WASHC3: variants seen among roughly 807,000 people sequenced by gnomAD.
The protein encoded by WASHC3 is WASH complex subunit 3, also known as WASH complex subunit CCDC53.
Under a neutral mutation model 26.1 loss-of-function variants are expected in WASHC3, and 24 were observed. The observed-to-expected ratio is 0.92, with a 90% confidence interval of 0.66 to 1.29. The LOEUF is 1.29. Ranked by LOEUF, WASHC3 falls within the 50% of genes most tolerant of loss-of-function variation. WASHC3 has a pLI of 0.00. For missense variants in WASHC3, 214 were observed against 229.6 expected, an observed-to-expected ratio of 0.93 and a Z score of 0.44; for synonymous variants, 77 against 75.7, an observed-to-expected ratio of 1.02 and a Z score of -0.09.
chr12:102,040,839 T>C (rs373048955), intron 4 of WASHC3, among the ~76,000 whole-genome samples: 35 of 152,188 alleles, frequency 2.3e-4, no homozygotes, highest in African/African-American at 8.2e-4. Context: ...GGTGAATCTC[T>C]CTCATTATCT....
At chr12:102,050,583 C>T (rs1388513720) in intron 2 of WASHC3, 2 of 454,210 alleles carry the variant, frequency 4.4e-6, no homozygotes, top group South Asian at 1.6e-5. Context: ...GTTGAGGTTG[C>T]CCTGAGCTGT....
intron 6 of WASHC3, among the ~76,000 whole-genome samples, chr12:102,013,525 C>T (rs1432780325): frequency 6.6e-6 from 1 of 152,076 alleles, no homozygotes; most frequent in Non-Finnish European, 1.5e-5. Context: ...GTGCTAAGTC[C>T]CTGAAGCTTC....
intron 2 of WASHC3, among the ~76,000 whole-genome samples, chr12:102,052,036 G>A (rs936036052): frequency 6.6e-6 from 1 of 152,190 alleles, no homozygotes; most frequent in Non-Finnish European, 1.5e-5. Flanking sequence ...CAAGATGGGG[G>A]AATAGGACTT....
chr12:102,044,363 C>T (rs536288811), intron 3 of WASHC3, among the ~76,000 whole-genome samples, 151 bp from the exon 4 acceptor site: 67 of 152,278 alleles, frequency 4.4e-4, no homozygotes, highest in African/African-American at 1.2e-3. Flanking sequence ...AAGTGAAAGA[C>T]GGTCACAAAT....
chr12:102,050,410 G>A, intron 2 of WASHC3: 1 of 411,724 alleles, frequency 2.4e-6, no homozygotes, highest in South Asian at 1.8e-5. Context: ...TTAAGCCCAA[G>A]AGTTGGAGAC....
intron 5 of WASHC3, among the ~76,000 whole-genome samples, chr12:102,031,280 G>A (rs527418524): frequency 3.9e-5 from 6 of 152,328 alleles, no homozygotes; most frequent in African/African-American, 1.4e-4. Context: ...GGGGCTTCCA[G>A]TTGGTGGCTG....
chr12:102,013,241 AG>A, intron 6 of WASHC3, 49 bp from the exon 7 acceptor site: 1 of 897,546 alleles, frequency 1.1e-6, no homozygotes. Context: ...AATTGAAAAG[AG>A]CACTTACAAA....
rs1318648176 is a variant in WASHC3 at position 102,039,907 on chromosome 12, C to T, written c.396G>A (p.Lys132=). The change falls in exon 5 of 7, where the codon AAG becomes AAA. Residue 132 remains lysine, a synonymous_variant. Transcript: ENST00000240079. ...VSAENILTVA[K]DPRYARYLKM... is the part of the protein sequence containing the mutation. ...TGAGATATCTGGCATATCTTGGATC[C>T]TTGGCTACAGTTAAGATATTTTCTG... 2 of 1,603,530 alleles carry T rather than the reference C, an allele frequency of 1.2e-6. No individual in the cohort carries two copies. The highest frequency in any genetic ancestry group is 1.1e-5 in the South Asian group (1 of 90,778).
intron 5 of WASHC3, among the ~76,000 whole-genome samples, chr12:102,034,815 T>TGA (rs1555201981): frequency 1.4e-5 from 2 of 146,382 alleles, no homozygotes; most frequent in African/African-American, 5.0e-5. Context: ...TGTGTGTGTG[T>TGA]GAGTATGTAA....
intron 2 of WASHC3, among the ~76,000 whole-genome samples, chr12:102,059,394 G>A (rs1224239667): frequency 1.3e-5 from 2 of 152,132 alleles, no homozygotes; most frequent in African/African-American, 4.8e-5. Context: ...AACTTCATGA[G>A]GTTTTGATGA....
At position 102,055,540 on chromosome 12, in the gene WASHC3, TCCA is replaced by T. The variant is rs548169624; in HGVS notation, c.150+5705_150+5707del. ...TTTGTATTTTTAGTAGAGACAGCAT[TCCA>T]CCATGTTGGCCAGGCTGGTCTCGAA... On this transcript the variant is annotated intron_variant, in intron 2 of 6. Transcript: ENST00000240079. 1.8e-4 allele frequency among the ~76,000 whole-genome samples: 28 copies of T among 152,294 alleles called. 1 individual carries two copies. In the East Asian group the frequency reaches 2.7e-3, roughly 15 times the overall value.
intron 6 of WASHC3, chr12:102,017,689 C>T: frequency 2.9e-6 from 1 of 348,976 alleles, no homozygotes; most frequent in Non-Finnish European, 5.5e-6. Context: ...CCAAACTTTT[C>T]CACAGCAGCT....
chr12:102,042,168 G>A (rs955568078), intron 4 of WASHC3, among the ~76,000 whole-genome samples: 1 of 152,028 alleles, frequency 6.6e-6, no homozygotes, highest in Admixed American at 6.6e-5. Context: ...TTTAGAAAGA[G>A]GATAGTCATA....
intron 5 of WASHC3, among the ~76,000 whole-genome samples, chr12:102,031,060 T>A (rs116960546): frequency 6.6e-6 from 1 of 152,134 alleles, no homozygotes; most frequent in Non-Finnish European, 1.5e-5. Flanking sequence ...CAAGGCAACA[T>A]GGAGGGTTCA....
intron 5 of WASHC3, among the ~76,000 whole-genome samples, chr12:102,030,996 C>T (rs146291494): frequency 7.2e-5 from 11 of 152,174 alleles, no homozygotes; most frequent in African/African-American, 2.4e-4. Flanking sequence ...GATTTAATGT[C>T]GTTTCAACAT....
At chr12:102,051,999 A>C (rs1488910157) in intron 2 of WASHC3, among the ~76,000 whole-genome samples, 3 of 152,222 alleles carry the variant, frequency 2.0e-5, no homozygotes, top group Non-Finnish European at 4.4e-5. Flanking sequence ...ATTATCATAC[A>C]TAAAGGAGAA....
At chr12:102,049,393 A>G (rs79334923) in intron 2 of WASHC3, among the ~76,000 whole-genome samples, 2,123 of 152,362 alleles carry the variant, frequency 0.014, 56 homozygotes, top group African/African-American at 0.049. Context: ...GAAAGGTAAC[A>G]GTCTTTCCCA....
intron 2 of WASHC3, among the ~76,000 whole-genome samples, chr12:102,055,000 G>A (rs1878536865): frequency 6.6e-6 from 1 of 151,236 alleles, no homozygotes; most frequent in African/African-American, 2.4e-5. Flanking sequence ...TACAACTGAA[G>A]GAATAGAAGA....
At chr12:102,056,881 A>C (rs1166212593) in intron 2 of WASHC3, among the ~76,000 whole-genome samples, 1 of 152,222 alleles carries the variant, frequency 6.6e-6, no homozygotes, top group African/African-American at 2.4e-5. Context: ...CTTCCAAAAT[A>C]CTGAAGAGGA....
Sources: allele counts gnomAD v4.1 joint callset (sites outside exome capture counted in the v4.1 genomes callset), GRCh38; gene constraint gnomAD v4.1.1; transcripts MANE v1.5; gene names NCBI Gene and HGNC (gene_info 2026-07-23, HGNC 2026-07-21).